The following NEBL variants were observed in gnomAD, a reference collection of about 807,000 sequenced individuals.
NEBL encodes nebulette.
In NEBL, 122 loss-of-function variants were observed where a neutral mutation model predicts 140.2. The observed-to-expected ratio is 0.87, with a 90% CI of 0.75 to 1.01. The LOEUF (loss-of-function observed/expected upper bound fraction) is 1.01. NEBL is among the 50% of genes least tolerant of loss of function. The pLI is 0.00. For synonymous variants in NEBL, 436 were observed against 398.9 expected (o/e 1.09, Z -1.11); for missense variants, 1,365 against 1,231.3 (o/e 1.11, Z -1.62).
rs1421521237 is a variant in NEBL, at chr10:20,784,016, G to C, written c.*1731C>G. 3.3e-5 allele frequency: 5 copies of C among 152,126 alleles called. No individual in the cohort carries two copies. The highest frequency in any genetic ancestry group is 1.2e-4 in the African/African-American group (5 of 41,436). The allele number at this position is 152,126 out of a possible 1,614,324, so 9.4% of individuals were successfully genotyped here. ...AAAATGAAATCACAGATTTTCAAAA[G>C]CATGTGCTAACTTTTCTAAAGTGGA... On this transcript the variant is annotated 3_prime_UTR_variant, in exon 28 of 28. Coordinates refer to ENST00000377122, the MANE Select transcript of NEBL (RefSeq NM_006393.3).
At chr10:21,067,942 C>T (rs2131895914) in intron 2 of NEBL, among the ~76,000 whole-genome samples, 1 of 152,052 alleles carries the variant, frequency 6.6e-6, no homozygotes, top group South Asian at 2.1e-4. Flanking sequence ...CTGCACCATG[C>T]ACTCCAGCCT....
At chr10:21,284,229 A>AAAAAAC (rs1564555804) in intron 1 of NEBL, among the ~76,000 whole-genome samples, 1 of 123,544 alleles carries the variant, frequency 8.1e-6, no homozygotes, top group Non-Finnish European at 1.7e-5. Context: ...AAAAAAAAAA[A>AAAAAAC]AAAACGAAAA....
At chr10:20,809,257 C>T (rs1274934884) in intron 25 of NEBL, among the ~76,000 whole-genome samples, 2 of 152,062 alleles carry the variant, frequency 1.3e-5, no homozygotes, top group African/African-American at 4.8e-5. Flanking sequence ...CATTCGTACC[C>T]CAACTATTCA....
At chr10:20,793,364 G>A in intron 26 of NEBL, 1 of 978,378 alleles carries the variant, frequency 1.0e-6, no homozygotes, top group Non-Finnish European at 1.2e-6. Context: ...AGTTTCAGCA[G>A]GAGCAACAAA....
At chr10:20,959,339 G>C (rs1015515302) in intron 4 of NEBL, among the ~76,000 whole-genome samples, 1 of 152,030 alleles carries the variant, frequency 6.6e-6, no homozygotes, top group Non-Finnish European at 1.5e-5. Context: ...GAAGATTCTG[G>C]GGTCTTTCCA....
At chr10:20,880,737 C>T (rs1440599943) in intron 5 of NEBL, 57 bp downstream of exon 5, 3 of 1,237,700 alleles carry the variant, frequency 2.4e-6, no homozygotes, top group Non-Finnish European at 3.6e-6. Flanking sequence ...TAAACATAAG[C>T]CCTAATATGA....
At position 21,254,230 on chromosome 10, in the gene NEBL, TG is replaced by T. The variant is rs200459984; in HGVS notation, n.183-2403del. ...ATAGCTCACTGCAGCCTTGAACCAC[TG>T]GGCTCAAGTGATCCTCCCATCTCAG... On this transcript the variant is annotated intron_variant and non_coding_transcript_variant, in intron 1 of 8. Transcript: ENST00000675702. Among the ~76,000 whole-genome samples, 381 of 152,238 alleles carry T rather than the reference TG, an allele frequency of 2.5e-3. 3 individuals carry two copies. The highest frequency in any genetic ancestry group is 8.1e-3 in the African/African-American group (338 of 41,562).
Position 20,831,506 on chromosome 10 carries a change from C to A in NEBL, c.1527G>T (p.Gln509His). Residue 509 changes from glutamine to histidine, a missense_variant, in exon 15 of 28, where the codon CAG becomes CAT. Physicochemically the swap from Gln to His is conservative, Grantham distance 24. This residue lies in a region of NEBL where 1,323 missense variants were observed against 1,154.8 expected (regional missense o/e 1.15). Transcript: ENST00000377122. Reference sequence around the variant, plus strand: ...CCATCTCGGATGCTTTCTTAGCTCTCTGGACATCAAGAGTGTCTGTGCTCA... The same window carrying A: ...CCATCTCGGATGCTTTCTTAGCTCTATGGACATCAAGAGTGTCTGTGCTCA... Reference protein sequence around the residue: ...MQVSTDTLDVQRAKKASEMAS... With the variant: ...MQVSTDTLDVHRAKKASEMAS... 1 of 1,612,134 alleles carries A rather than the reference C, an allele frequency of 6.2e-7. No homozygotes were observed. The highest frequency in any genetic ancestry group is 8.5e-7 in the Non-Finnish European group (1 of 1,179,262).
Position 20,856,982 on chromosome 10 carries a change from C to T in NEBL, c.903+1258G>A, listed in dbSNP as rs1189564632. 2.6e-5 allele frequency among the ~76,000 whole-genome samples: 4 copies of T among 152,098 alleles called. 1 individual carries two copies. The East Asian group carries it at 5.8e-4, about 22-fold the overall frequency. ...TAGCTGGGATTATAGATGCCCACCA[C>T]CACGCCTAGCTAATTTTTGTATTTT... is the stretch of plus-strand genomic sequence containing the variant. On this transcript the variant is annotated intron_variant, in intron 9 of 27. Transcript: ENST00000377122.
chr10:20,914,121 G>A (rs1848438265), intron 4 of NEBL, among the ~76,000 whole-genome samples: 1 of 152,190 alleles, frequency 6.6e-6, no homozygotes, highest in African/African-American at 2.4e-5. Context: ...CACTTGAGGA[G>A]AGGAAACACA....
intron 3 of NEBL, among the ~76,000 whole-genome samples, chr10:21,240,615 TCA>T (rs1199305874): frequency 6.6e-6 from 1 of 152,066 alleles, no homozygotes; most frequent in East Asian, 1.9e-4. Context: ...CTACACATTG[TCA>T]CACACAAAAA....
chr10:21,084,636 A>G (rs972269083), intron 2 of NEBL, among the ~76,000 whole-genome samples: 1 of 152,190 alleles, frequency 6.6e-6, no homozygotes, highest in Non-Finnish European at 1.5e-5. Context: ...AACAGCAACA[A>G]TGAAGTCTCT....
intron 2 of NEBL, among the ~76,000 whole-genome samples, chr10:21,139,782 G>A (rs185259425): frequency 7.9e-5 from 12 of 152,166 alleles, no homozygotes; most frequent in African/African-American, 2.4e-4. Context: ...TAGAAATGCC[G>A]AAGTCTATGA....
intron 1 of NEBL, among the ~76,000 whole-genome samples, chr10:21,279,293 T>G (rs888041491): frequency 1.3e-5 from 2 of 149,288 alleles, no homozygotes; most frequent in African/African-American, 2.5e-5. Flanking sequence ...TTTTCAATTT[T>G]TTTTTTTTTT....
chr10:20,795,803 C>T (rs1836449929), intron 26 of NEBL, among the ~76,000 whole-genome samples: 1 of 152,094 alleles, frequency 6.6e-6, no homozygotes, highest in African/African-American at 2.4e-5. Flanking sequence ...AAAGATCTCC[C>T]ACCATCAGTA....
At chr10:21,207,174 A>G (rs188789247) in intron 3 of NEBL, among the ~76,000 whole-genome samples, 243 of 152,022 alleles carry the variant, frequency 1.6e-3, no homozygotes, top group African/African-American at 5.4e-3. Context: ...GGGTTTCACC[A>G]TGTTGGCCAT....
intron 1 of NEBL, among the ~76,000 whole-genome samples, chr10:21,253,854 A>G (rs964959306): frequency 1.3e-5 from 2 of 152,116 alleles, no homozygotes; most frequent in African/African-American, 4.8e-5. Flanking sequence ...CAAAATGCCA[A>G]CTTTTTAAGG....
intron 2 of NEBL, among the ~76,000 whole-genome samples, chr10:21,118,865 T>G (rs957173174): frequency 7.2e-5 from 11 of 152,164 alleles, no homozygotes; most frequent in African/African-American, 2.7e-4. Context: ...AAATACAACA[T>G]TGGGTGTTAC....
At chr10:20,842,267 C>T (rs926424753) in intron 12 of NEBL, among the ~76,000 whole-genome samples, 1 of 152,038 alleles carries the variant, frequency 6.6e-6, no homozygotes. Context: ...GAAAGTCAGA[C>T]CTCTTTCATT....
Sources: allele counts gnomAD v4.1 joint callset (sites outside exome capture counted in the v4.1 genomes callset), GRCh38; gene constraint gnomAD v4.1.1; regional missense constraint gnomAD v4.1.1; transcripts MANE v1.5; gene names NCBI Gene and HGNC (gene_info 2026-07-23, HGNC 2026-07-21).